The following NCOA2 variants were observed in gnomAD, a reference collection of about 807,000 sequenced individuals.
NCOA2 encodes nuclear receptor coactivator 2.
Under a neutral mutation model 145.1 loss-of-function variants are expected in NCOA2, and 21 were observed. The observed-to-expected ratio is 0.14, with a 90% CI of 0.10 to 0.21. The LOEUF (loss-of-function observed/expected upper bound fraction) is 0.21. Among genes scored for constraint, NCOA2 ranks in the 10% least tolerant of loss-of-function variants. The pLI is 1.00. For missense variants in NCOA2, 1,472 were observed against 1,837.6 expected, an observed-to-expected ratio of 0.80 and a Z score of 3.64; for synonymous variants, 619 against 637.5, an observed-to-expected ratio of 0.97 and a Z score of 0.44.
At position 70,345,638 on chromosome 8, in the gene NCOA2, G is replaced by A. The variant is rs377196498; in HGVS notation, c.-76-48838C>T. 3.9e-5 allele frequency among the ~76,000 whole-genome samples: 6 copies of A among 152,290 alleles called. No individual in the cohort carries two copies. In the East Asian group the frequency reaches 1.2e-3, roughly 29 times the overall value. On this transcript the variant is annotated intron_variant, in intron 1 of 22. Transcript: ENST00000452400. Reference sequence around the variant, plus strand: ...ACTTCTCATCAACTTATTGTGCTTAGTATTTTTCTGCTACTGTTGCTCTGC... The same window carrying A: ...ACTTCTCATCAACTTATTGTGCTTAATATTTTTCTGCTACTGTTGCTCTGC...
At chr8:70,149,057 C>T (rs1403237126) in intron 11 of NCOA2, among the ~76,000 whole-genome samples, 1 of 151,682 alleles carries the variant, frequency 6.6e-6, no homozygotes, top group African/African-American at 2.4e-5. Context: ...GAACTAAGCA[C>T]TGCCTTTTCA....
At chr8:70,349,186 A>C (rs1808951024) in intron 1 of NCOA2, among the ~76,000 whole-genome samples, 1 of 152,110 alleles carries the variant, frequency 6.6e-6, no homozygotes, top group South Asian at 2.1e-4. Flanking sequence ...CCTACTATTA[A>C]AATGTGACGT....
chr8:70,377,046 A>T (rs988623715), intron 1 of NCOA2, among the ~76,000 whole-genome samples: 2 of 138,924 alleles, frequency 1.4e-5, no homozygotes, highest in African/African-American at 6.2e-5. Context: ...TTCTGTAGTA[A>T]ATGTGCTTAT....
At chr8:70,233,955 T>G (rs1172998407) in intron 2 of NCOA2, among the ~76,000 whole-genome samples, 1 of 152,170 alleles carries the variant, frequency 6.6e-6, no homozygotes, top group African/African-American at 2.4e-5. Flanking sequence ...CATCACCATA[T>G]GTAATTCCAA....
intron 19 of NCOA2, among the ~76,000 whole-genome samples, chr8:70,125,627 T>C (rs1808328442): frequency 1.3e-5 from 2 of 152,224 alleles, no homozygotes; most frequent in South Asian, 4.1e-4. Context: ...TTTGAATAAA[T>C]TTATATTAAA....
Position 70,110,324 on chromosome 8 carries a change from T to A in NCOA2, c.*3308A>T, listed in dbSNP as rs1242878515. Reference sequence around the variant, plus strand: ...CAGCTATGTAGGAATATACAAGACTTAAAAACAGATCTAAGGCATTATGCT... The same window carrying A: ...CAGCTATGTAGGAATATACAAGACTAAAAAACAGATCTAAGGCATTATGCT... On this transcript the variant is annotated 3_prime_UTR_variant, in exon 23 of 23. Transcript: ENST00000452400. 5.1e-6 allele frequency: 1 copy of A among 196,598 alleles called. No individual in the cohort carries two copies. Among genetic ancestry groups the A allele is most frequent in the Non-Finnish European group, 1.1e-5 (1 of 94,830 alleles). 12.2% of individuals were successfully genotyped at this position (196,598 alleles called of 1,614,324 possible).
At chr8:70,382,295 C>T (rs1435391643) in intron 1 of NCOA2, among the ~76,000 whole-genome samples, 1 of 151,936 alleles carries the variant, frequency 6.6e-6, no homozygotes, top group African/African-American at 2.4e-5. Context: ...CTGACACAAG[C>T]AGGCAGACGG....
At chr8:70,249,460 C>T (rs1458184250) in intron 2 of NCOA2, among the ~76,000 whole-genome samples, 2 of 152,136 alleles carry the variant, frequency 1.3e-5, no homozygotes, top group South Asian at 4.1e-4. Flanking sequence ...GTTACTTAAC[C>T]TCCCTGTCTT....
chr8:70,111,558 T>A lies in NCOA2; in HGVS notation c.*2074A>T, dbSNP rs1806538393. The A allele has an allele frequency of 4.6e-6, 1 of 216,324 alleles. No homozygotes were observed. Among genetic ancestry groups the A allele is most frequent in the Non-Finnish European group, 9.3e-6 (1 of 107,424 alleles). 13.4% of individuals were successfully genotyped at this position (216,324 alleles called of 1,614,324 possible). On this transcript the variant is annotated 3_prime_UTR_variant, in exon 23 of 23. Coordinates refer to ENST00000452400, the MANE Select transcript of NCOA2 (RefSeq NM_006540.4). ...AGGGGATATATGAACTGGTGGCCACTGAGAAGTGTTGTTCCTTGGCCACCT... is the reference window on the plus strand; with the variant it reads ...AGGGGATATATGAACTGGTGGCCACAGAGAAGTGTTGTTCCTTGGCCACCT...
intron 5 of NCOA2, among the ~76,000 whole-genome samples, chr8:70,171,489 G>C (rs1255184221): frequency 6.6e-6 from 1 of 152,056 alleles, no homozygotes; most frequent in African/African-American, 2.4e-5. Context: ...GGAAATGTTG[G>C]GGGTTTAGTT....
chr8:70,364,757 A>C (rs1308860483), intron 1 of NCOA2, among the ~76,000 whole-genome samples: 15 of 151,946 alleles, frequency 9.9e-5, no homozygotes, highest in African/African-American at 3.1e-4. Flanking sequence ...AAAAAAAAAA[A>C]ACTAGCAAAT....
intron 5 of NCOA2, among the ~76,000 whole-genome samples, chr8:70,174,000 G>C (rs17747784): frequency 0.037 from 5,684 of 152,152 alleles, 176 homozygotes; most frequent in Non-Finnish European, 0.053. Context: ...ATCATCAGCC[G>C]AGCAAATTAT....
At chr8:70,194,483 A>G (rs917981878) in intron 4 of NCOA2, among the ~76,000 whole-genome samples, 14 of 152,176 alleles carry the variant, frequency 9.2e-5, no homozygotes, top group South Asian at 4.1e-4. Context: ...GTTACATCGC[A>G]CAAGTGAAGA....
the NCOA2 span, among the ~76,000 whole-genome samples, chr8:70,434,876 T>C: frequency 6.6e-6 from 1 of 152,166 alleles, no homozygotes; most frequent in African/African-American, 2.4e-5. Context: ...ACAACACATA[T>C]GCTAATGATC....
At chr8:70,278,113 C>T (rs1443057217) in intron 2 of NCOA2, among the ~76,000 whole-genome samples, 1 of 152,226 alleles carries the variant, frequency 6.6e-6, no homozygotes, top group African/African-American at 2.4e-5. Context: ...CCTTCTATCT[C>T]TACAGCATTG....
chr8:70,351,746 G>A (rs368202885), intron 1 of NCOA2, among the ~76,000 whole-genome samples: 36 of 147,532 alleles, frequency 2.4e-4, no homozygotes, highest in East Asian at 2.4e-3. Context: ...CCACCACCCC[G>A]GCTAATTTTT....
intron 1 of NCOA2, among the ~76,000 whole-genome samples, chr8:70,304,599 A>G (rs1827742708): frequency 6.6e-6 from 1 of 151,760 alleles, no homozygotes; most frequent in Non-Finnish European, 1.5e-5. Context: ...CTGAGTGGCT[A>G]GGATTACAGG....
chr8:70,342,564 A>G (rs777164440), intron 1 of NCOA2, among the ~76,000 whole-genome samples: 3 of 152,092 alleles, frequency 2.0e-5, no homozygotes, highest in Admixed American at 6.6e-5. Context: ...ATCTACAAAC[A>G]CATTTTTCAT....
At chr8:70,153,471 C>G (rs745923721) in intron 11 of NCOA2, among the ~76,000 whole-genome samples, 12 of 152,208 alleles carry the variant, frequency 7.9e-5, no homozygotes, top group Non-Finnish European at 1.3e-4. Flanking sequence ...TAAATAAATA[C>G]AGAAATACCA....
Sources: allele counts gnomAD v4.1 joint callset (sites outside exome capture counted in the v4.1 genomes callset), GRCh38; gene constraint gnomAD v4.1.1; transcripts MANE v1.5; gene names NCBI Gene and HGNC (gene_info 2026-07-23, HGNC 2026-07-21).